SND1: variants seen among roughly 807,000 people sequenced by gnomAD.
SND1 encodes the protein staphylococcal nuclease and tudor domain containing 1.
A neutral mutation model predicts 121.7 loss-of-function variants in SND1; 38 were observed. The ratio of observed to expected loss-of-function variants is 0.31; its 90% confidence interval spans 0.24 to 0.41. The LOEUF is 0.41. SND1 is among the 10% of genes least tolerant of loss of function. SND1 has a pLI of 1.00. For missense variants in SND1, 868 were observed against 1,184.6 expected (o/e 0.73, Z 3.92); for synonymous variants, 401 against 447.4 (o/e 0.90, Z 1.31).
intron 9 of SND1, among the ~76,000 whole-genome samples, chr7:127,713,399 T>A (rs1428050953): frequency 6.6e-6 from 1 of 152,244 alleles, no homozygotes; most frequent in Admixed American, 6.5e-5. Context: ...TTAAAATATC[T>A]GTTAGTGGCA....
rs937572321 is a variant in SND1 at position 127,988,372 on chromosome 7, C to G, written c.1670-2575C>G. Among the ~76,000 whole-genome samples, 2 of 152,214 alleles carry G rather than the reference C, an allele frequency of 1.3e-5. 1 individual carries two copies. Among genetic ancestry groups the G allele is most frequent in the South Asian group, 4.1e-4 (2 of 4,824 alleles). On this transcript the variant is annotated intron_variant, in intron 15 of 23. Transcript: ENST00000354725. ...GCACAGAAGCACCCTACTTCGGCTT[C>G]CTACTCTTGTCGTGCTAGGGCTTAA...
intron 15 of SND1, among the ~76,000 whole-genome samples, chr7:127,969,159 G>A (rs1801921771): frequency 6.6e-6 from 1 of 152,120 alleles, no homozygotes; most frequent in Non-Finnish European, 1.5e-5. Flanking sequence ...GTGGGTAGGT[G>A]GGTTCTGAGT....
At chr7:128,008,953 G>A (rs2116944907) in intron 16 of SND1, among the ~76,000 whole-genome samples, 1 of 152,266 alleles carries the variant, frequency 6.6e-6, no homozygotes, top group Admixed American at 6.5e-5. Flanking sequence ...TGGTAGAGTA[G>A]AGAAGGCACA....
intron 11 of SND1, among the ~76,000 whole-genome samples, chr7:127,811,947 G>A (rs1798342268): frequency 6.6e-6 from 1 of 152,098 alleles, no homozygotes; most frequent in Non-Finnish European, 1.5e-5. Flanking sequence ...ATCTTCAAGG[G>A]TTAGGACTGC....
chr7:127,851,696 T>C (rs571538032), intron 12 of SND1, among the ~76,000 whole-genome samples: 6 of 152,258 alleles, frequency 3.9e-5, no homozygotes, highest in Non-Finnish European at 7.3e-5. Context: ...TCTATGCTTA[T>C]AAAATTTACA....
chr7:127,695,454 T>C (rs964256733), intron 3 of SND1, among the ~76,000 whole-genome samples: 2 of 152,206 alleles, frequency 1.3e-5, no homozygotes, highest in African/African-American at 4.8e-5. Flanking sequence ...GTTAGAATTC[T>C]GATTTCCTAC....
chr7:127,918,860 C>T (rs1270498713), intron 14 of SND1, among the ~76,000 whole-genome samples: 1 of 152,062 alleles, frequency 6.6e-6, no homozygotes, highest in Non-Finnish European at 1.5e-5. Context: ...ACAACATCAT[C>T]CTATAAATCT....
At chr7:128,034,479 A>G (rs1368538497) in intron 16 of SND1, among the ~76,000 whole-genome samples, 2 of 152,116 alleles carry the variant, frequency 1.3e-5, no homozygotes, top group South Asian at 2.1e-4. Flanking sequence ...AAGTATGACT[A>G]TCCTTCCCTC....
intron 10 of SND1, among the ~76,000 whole-genome samples, chr7:127,756,941 G>A (rs1014434737): frequency 2.6e-5 from 4 of 151,972 alleles, no homozygotes; most frequent in South Asian, 2.1e-4. Flanking sequence ...TTTAAATTGA[G>A]GTCAATATCC....
At chr7:128,006,499 C>G (rs536514370) in intron 16 of SND1, among the ~76,000 whole-genome samples, 34 of 152,352 alleles carry the variant, frequency 2.2e-4, no homozygotes, top group South Asian at 8.3e-4. Flanking sequence ...TATTAGTTCA[C>G]TCACCTGGTG....
At chr7:127,680,784 A>T (rs967322373) in intron 1 of SND1, among the ~76,000 whole-genome samples, 1 of 151,158 alleles carries the variant, frequency 6.6e-6, no homozygotes, top group Non-Finnish European at 1.5e-5. Context: ...AGATGACAGG[A>T]TTAAGAGATT....
chr7:127,659,954 G>T (rs557655536), intron 1 of SND1, among the ~76,000 whole-genome samples: 1 of 151,786 alleles, frequency 6.6e-6, no homozygotes, highest in African/African-American at 2.4e-5. Context: ...ATACCTTAAC[G>T]GCTTGACTTT....
intron 10 of SND1, among the ~76,000 whole-genome samples, chr7:127,762,054 T>C (rs1199356601): frequency 6.6e-6 from 1 of 152,196 alleles, no homozygotes; most frequent in Non-Finnish European, 1.5e-5. Flanking sequence ...GAGAAAGAGA[T>C]CTAGATTTTC....
chr7:127,937,906 G>C (rs561786718), intron 15 of SND1, among the ~76,000 whole-genome samples: 1 of 152,362 alleles, frequency 6.6e-6, no homozygotes, highest in South Asian at 2.1e-4. Context: ...AGGTGCTAAT[G>C]AATCAGGCTG....
intron 15 of SND1, among the ~76,000 whole-genome samples, chr7:127,975,435 G>A (rs1290212657): frequency 3.5e-5 from 2 of 57,164 alleles, no homozygotes; most frequent in African/African-American, 1.5e-4. Context: ...GTGTGTGTGT[G>A]TGTGTGTGTG....
chr7:127,699,935 C>T (rs1034072744), intron 4 of SND1, among the ~76,000 whole-genome samples: 3 of 152,180 alleles, frequency 2.0e-5, no homozygotes, highest in African/African-American at 7.2e-5. Context: ...GGTCTTTCAC[C>T]ATAGACTTGT....
chr7:128,018,962 A>C (rs1039814152), intron 16 of SND1, among the ~76,000 whole-genome samples: 2 of 152,140 alleles, frequency 1.3e-5, no homozygotes, highest in Non-Finnish European at 2.9e-5. Context: ...GTATTTAGGG[A>C]CCTGAAATTG....
intron 10 of SND1, among the ~76,000 whole-genome samples, chr7:127,801,894 T>C (rs1584583702): frequency 6.6e-6 from 1 of 151,994 alleles, no homozygotes; most frequent in Admixed American, 6.6e-5. Context: ...CCCGCTGGAG[T>C]GCAGTGGCGC....
At chr7:127,988,277 G>C (rs1406930694) in intron 15 of SND1, among the ~76,000 whole-genome samples, 1 of 152,162 alleles carries the variant, frequency 6.6e-6, no homozygotes, top group Non-Finnish European at 1.5e-5. Context: ...CTTAGTCTGG[G>C]AATAGATTCT....
Sources: allele counts gnomAD v4.1 joint callset (sites outside exome capture counted in the v4.1 genomes callset), GRCh38; gene constraint gnomAD v4.1.1; transcripts MANE v1.5; gene names NCBI Gene and HGNC (gene_info 2026-07-23, HGNC 2026-07-21).